The following NARS2 variants were observed in gnomAD, a reference collection of about 807,000 sequenced individuals.
NARS2 encodes asparaginyl-tRNA synthetase.
NARS2 carries 60 observed loss-of-function variants against 62.9 expected under a neutral mutation model. The observed-to-expected ratio is 0.95, with a 90% CI of 0.77 to 1.18. The LOEUF (loss-of-function observed/expected upper bound fraction) is 1.18, where lower values mean the gene tolerates loss of function less well. NARS2 is among the 50% of genes most tolerant of loss of function. NARS2 has a pLI of 0.00. For missense variants in NARS2, 619 were observed against 576.4 expected, an observed-to-expected ratio of 1.07 and a Z score of -0.76; for synonymous variants, 196 against 200.0, an observed-to-expected ratio of 0.98 and a Z score of 0.17.
intron 11 of NARS2, among the ~76,000 whole-genome samples, chr11:78,454,533 A>G (rs1858086028): frequency 6.6e-6 from 1 of 152,164 alleles, no homozygotes; most frequent in Non-Finnish European, 1.5e-5. Context: ...AGGCCACACC[A>G]GAAGCTGAGA....
intron 6 of NARS2, among the ~76,000 whole-genome samples, chr11:78,510,103 T>C (rs971378011): frequency 6.6e-6 from 1 of 151,802 alleles, no homozygotes; most frequent in Non-Finnish European, 1.5e-5. Context: ...AGAAAACAAA[T>C]AGCAAAATGA....
intron 6 of NARS2, among the ~76,000 whole-genome samples, chr11:78,502,087 T>C (rs1860301266): frequency 6.6e-6 from 1 of 152,190 alleles, no homozygotes; most frequent in Admixed American, 6.5e-5. Flanking sequence ...ACATACTATA[T>C]GATTTCCTGT....
chr11:78,535,431 G>A (rs1225648201), intron 5 of NARS2, among the ~76,000 whole-genome samples: 2 of 152,000 alleles, frequency 1.3e-5, no homozygotes, highest in Non-Finnish European at 2.9e-5. Context: ...CTCAAAATCA[G>A]AATTCTTATT....
chr11:78,560,020 T>C (rs1251560669), intron 4 of NARS2, among the ~76,000 whole-genome samples: 1 of 152,200 alleles, frequency 6.6e-6, no homozygotes, highest in Non-Finnish European at 1.5e-5. Flanking sequence ...AACAAACACA[T>C]ACGCACACTA....
Position 78,571,362 on chromosome 11 carries a change from A to T in NARS2, c.224T>A (p.Val75Asp). The T allele has an allele frequency of 1.2e-6, 2 of 1,613,554 alleles. No homozygotes were observed. Among genetic ancestry groups the T allele is most frequent in the Non-Finnish European group, 1.7e-6 (2 of 1,179,738 alleles). The change falls in exon 2 of 14, where the codon GTT becomes GAT. Residue 75 changes from valine to aspartate, a missense_variant. Physicochemically the swap from Val to Asp is radical, Grantham distance 152. Transcript: ENST00000281038. ...ACTGTCAAGGCCTGAATCTGCAACAACCTGAAGGCTTTCCAAAGATGACCC... is the reference window on the plus strand; with the variant it reads ...ACTGTCAAGGCCTGAATCTGCAACATCCTGAAGGCTTTCCAAAGATGACCC... ...NDGSSLESLQ[V>D]VADSGLDSRE...
At chr11:78,524,514 G>C (rs954754896) in intron 6 of NARS2, among the ~76,000 whole-genome samples, 2 of 151,962 alleles carry the variant, frequency 1.3e-5, no homozygotes, top group Non-Finnish European at 2.9e-5. Context: ...TTCTTTTTAG[G>C]CTGAGCCTTT....
intron 5 of NARS2, among the ~76,000 whole-genome samples, chr11:78,532,302 T>G (rs1861509386): frequency 6.6e-6 from 1 of 152,140 alleles, no homozygotes; most frequent in African/African-American, 2.4e-5. Flanking sequence ...AGAATTTCTA[T>G]TTAATAAAGG....
intron 9 of NARS2, among the ~76,000 whole-genome samples, chr11:78,473,163 C>G (rs949712895): frequency 1.3e-5 from 2 of 152,142 alleles, no homozygotes; most frequent in Non-Finnish European, 2.9e-5. Context: ...AAGGTCCTGT[C>G]TCTTAAAAAC....
At position 78,436,817 on chromosome 11, in the gene NARS2, GT is replaced by G; in HGVS notation, c.1290-4del. The G allele has an allele frequency of 6.2e-7, 1 of 1,612,680 alleles. No individual in the cohort carries two copies. The highest frequency in any genetic ancestry group is 1.1e-5 in the South Asian group (1 of 90,816). ...CAAATCGACGAAGGTCCAGATACCT[GT>G]TTTTCAAAAATAGAAAATCATCATC... On this transcript the variant is annotated splice_polypyrimidine_tract_variant and splice_region_variant and intron_variant, in intron 13 of 13. Coordinates refer to ENST00000281038, the MANE Select transcript of NARS2 (RefSeq NM_024678.6).
At chr11:78,506,779 T>A (rs1405107240) in intron 6 of NARS2, among the ~76,000 whole-genome samples, 1 of 151,902 alleles carries the variant, frequency 6.6e-6, no homozygotes, top group Non-Finnish European at 1.5e-5. Context: ...CCTCAGGCGA[T>A]CCACCTGCCT....
intron 7 of NARS2, among the ~76,000 whole-genome samples, chr11:78,490,951 T>C (rs1437494017): frequency 6.6e-6 from 1 of 152,206 alleles, no homozygotes. Context: ...GCTTAACCTA[T>C]CTATTCCTCA....
In NARS2 at chr11:78,436,549, T is replaced by C; in HGVS notation, c.*121A>G. ...CTTATATTTTTTCTATGATATCTTA[T>C]GGCACAACAATTACATATTGAAATC... On this transcript the variant is annotated 3_prime_UTR_variant, in exon 14 of 14. Coordinates refer to ENST00000281038, the MANE Select transcript of NARS2 (RefSeq NM_024678.6). 8.6e-7 allele frequency: 1 copy of C among 1,167,972 alleles called. No individual in the cohort carries two copies. The highest frequency in any genetic ancestry group is 1.2e-6 in the Non-Finnish European group (1 of 827,552). 72.4% of individuals were successfully genotyped at this position (1,167,972 alleles called of 1,614,324 possible).
intron 4 of NARS2, among the ~76,000 whole-genome samples, chr11:78,563,463 G>C (rs1226279915): frequency 6.6e-6 from 1 of 151,776 alleles, no homozygotes; most frequent in Non-Finnish European, 1.5e-5. Context: ...TGATCTGCCT[G>C]CCTCGGCCTC....
At chr11:78,449,930 A>C (rs1465072872) in intron 11 of NARS2, among the ~76,000 whole-genome samples, 1 of 152,222 alleles carries the variant, frequency 6.6e-6, no homozygotes. Context: ...ACCCTGGTCT[A>C]AAACTGATAG....
intron 11 of NARS2, among the ~76,000 whole-genome samples, chr11:78,462,445 T>A (rs1232911863): frequency 6.6e-6 from 1 of 152,176 alleles, no homozygotes; most frequent in African/African-American, 2.4e-5. Flanking sequence ...AAGGTGAGGA[T>A]GAGTAAAATA....
chr11:78,527,553 C>T (rs531060678), intron 6 of NARS2, among the ~76,000 whole-genome samples: 1 of 152,272 alleles, frequency 6.6e-6, no homozygotes, highest in Non-Finnish European at 1.5e-5. Context: ...ATGTTACTTT[C>T]AAGACCATCT....
At chr11:78,551,377 G>T (rs557272686) in intron 5 of NARS2, among the ~76,000 whole-genome samples, 1 of 152,150 alleles carries the variant, frequency 6.6e-6, no homozygotes, top group South Asian at 2.1e-4. Flanking sequence ...TGGTAAGCGT[G>T]TGTGTATGTA....
At chr11:78,527,603 A>C (rs940922157) in intron 6 of NARS2, among the ~76,000 whole-genome samples, 11 of 152,234 alleles carry the variant, frequency 7.2e-5, no homozygotes, top group African/African-American at 2.2e-4. Context: ...AGCAAAGTAC[A>C]AAAGTAAATA....
intron 6 of NARS2, among the ~76,000 whole-genome samples, chr11:78,501,103 CA>C (rs1860267448): frequency 1.3e-5 from 2 of 152,044 alleles, no homozygotes; most frequent in South Asian, 4.2e-4. Flanking sequence ...AACACACATA[CA>C]CACACACAAA....
Sources: gnomAD v4.1 joint callset for allele counts (sites outside exome capture counted in the v4.1 genomes callset) on GRCh38, gnomAD v4.1.1 for gene constraint, MANE v1.5 for transcripts, NCBI Gene and HGNC (gene_info 2026-07-23, HGNC 2026-07-21) for gene names.